SS18: variants seen among roughly 807,000 people sequenced by gnomAD.
The protein encoded by SS18 is SS18 subunit of BAF chromatin remodeling complex.
SS18 carries 28 observed loss-of-function variants against 72.5 expected under a neutral mutation model. The ratio of observed to expected loss-of-function variants is 0.39; its 90% CI spans 0.29 to 0.53. The LOEUF (loss-of-function observed/expected upper bound fraction) is 0.53. Ranked by LOEUF, SS18 falls within the 20% of genes least tolerant of loss-of-function variation. The pLI is 0.76. For missense variants in SS18, 518 were observed against 535.3 expected (o/e 0.97, Z 0.32); for synonymous variants, 172 against 164.2 (o/e 1.05, Z -0.37).
intron 9 of SS18, among the ~76,000 whole-genome samples, chr18:26,033,808 A>C (rs2053584321): frequency 6.6e-6 from 1 of 152,106 alleles, no homozygotes; most frequent in African/African-American, 2.4e-5. Context: ...ATAATACTTC[A>C]ACAAAAATTA....
intron 5 of SS18, among the ~76,000 whole-genome samples, chr18:26,043,877 T>G (rs1401450330): frequency 6.6e-6 from 1 of 152,178 alleles, no homozygotes; most frequent in Non-Finnish European, 1.5e-5. Flanking sequence ...ACATTAGAAC[T>G]TTAGAAAAAA....
chr18:26,073,084 T>C (rs1172020441), intron 3 of SS18, among the ~76,000 whole-genome samples: 1 of 152,024 alleles, frequency 6.6e-6, no homozygotes, highest in Non-Finnish European at 1.5e-5. Flanking sequence ...AAACTGACCA[T>C]ATGCTGGACC....
At chr18:26,022,257 C>T (rs2053365020) in intron 10 of SS18, among the ~76,000 whole-genome samples, 1 of 151,982 alleles carries the variant, frequency 6.6e-6, no homozygotes, top group Non-Finnish European at 1.5e-5. Flanking sequence ...TACTAGGTGA[C>T]AGAGACTCAA....
rs115341836 is a variant in SS18 at position 26,060,410 on chromosome 18, T to C, written c.232-2668A>G. Among the ~76,000 whole-genome samples, 539 of 152,194 alleles carry C rather than the reference T, an allele frequency of 3.5e-3. 4 individuals are homozygous for C. Among genetic ancestry groups the C allele is most frequent in the African/African-American group, 0.012 (501 of 41,536 alleles). ...GATGGGGAGAGGGGGAGAATTGAGA[T>C]TGACTGCCAACAGTTTTCACTTTAT... is the stretch of plus-strand genomic sequence containing the variant. On this transcript the variant is annotated intron_variant, in intron 3 of 10. Transcript: ENST00000415083.
rs747116026 is a variant in SS18 at position 26,087,515 on chromosome 18, G to A, written c.132C>T (p.Thr44=). 2 of 1,586,744 alleles carry A rather than the reference G, an allele frequency of 1.3e-6. No homozygotes were observed. The highest frequency in any genetic ancestry group is 1.7e-6 in the Non-Finnish European group (2 of 1,162,228). The stretch of plus-strand genomic sequence containing the variant: ...ATCAATCTTACTGAGAACACTCTGA[G>A]GTCTTTCCTTTATTCTGAGAGTCCA... ...CIMDSQNKGK[T]SECSQYQQML... Residue 44 remains threonine, a synonymous_variant, in exon 2 of 11, where the codon ACC becomes ACT. Coordinates refer to ENST00000415083, the MANE Select transcript of SS18 (RefSeq NM_001007559.3).
Position 26,041,337 on chromosome 18 carries a change from T to C in SS18, c.608-1881A>G, listed in dbSNP as rs147673590. The stretch of plus-strand genomic sequence containing the variant: ...TATTGGGGAGGCTGAGGCAGGAGAA[T>C]CACTTGAACCCGGGAGGCAGAGGTT... On this transcript the variant is annotated intron_variant, in intron 5 of 10. Transcript: ENST00000415083. Among the ~76,000 whole-genome samples the C allele has an allele frequency of 7.3e-3, 1,114 of 152,198 alleles. 11 individuals are homozygous for C. Among genetic ancestry groups the C allele is most frequent in the African/African-American group, 0.025 (1,053 of 41,498 alleles).
intron 10 of SS18, among the ~76,000 whole-genome samples, chr18:26,027,847 A>G (rs528072767): frequency 6.6e-6 from 1 of 152,164 alleles, no homozygotes; most frequent in African/African-American, 2.4e-5. Context: ...CTAAAATTAT[A>G]TAACTTCTAG....
At chr18:26,021,896 G>A (rs1256592287) in intron 10 of SS18, among the ~76,000 whole-genome samples, 1 of 152,206 alleles carries the variant, frequency 6.6e-6, no homozygotes, top group African/African-American at 2.4e-5. Context: ...GAGCTGTCGA[G>A]TAGGCATCTA....
At chr18:26,081,547 T>G (rs1400615247) in intron 2 of SS18, among the ~76,000 whole-genome samples, 1 of 152,120 alleles carries the variant, frequency 6.6e-6, no homozygotes, top group African/African-American at 2.4e-5. Context: ...AACAAAAAAG[T>G]AGTAAATACT....
At chr18:26,087,378 T>C in intron 2 of SS18, 123 bp downstream of exon 2, 3 of 637,470 alleles carry the variant, frequency 4.7e-6, no homozygotes, top group Non-Finnish European at 5.6e-6. Context: ...CATTGAATTG[T>C]ACACATTAAA....
intron 2 of SS18, among the ~76,000 whole-genome samples, chr18:26,082,051 T>C (rs1341667005): frequency 1.3e-5 from 2 of 152,046 alleles, no homozygotes; most frequent in Non-Finnish European, 2.9e-5. Flanking sequence ...AGAGTGAGAT[T>C]ATGTCTTGAA....
rs1207781019 is a variant in SS18, at chr18:26,017,194, A to C, written c.*1160T>G. The C allele has an allele frequency of 4.9e-6, 1 of 204,822 alleles. No individual in the cohort carries two copies. The highest frequency in any genetic ancestry group is 2.3e-5 in the African/African-American group (1 of 43,860). The allele number at this position is 204,822 out of a possible 1,614,324, so 12.7% of individuals were successfully genotyped here. On this transcript the variant is annotated 3_prime_UTR_variant, in exon 11 of 11. Transcript: ENST00000415083. ...TGCAACCTCGGTGCTTTAAAAACAG[A>C]TAGAATAAACCTCATCAATAAGCAT...
At chr18:26,019,680 G>A (rs142020783) in intron 10 of SS18, among the ~76,000 whole-genome samples, 2,306 of 150,672 alleles carry the variant, frequency 0.015, 63 homozygotes, top group African/African-American at 0.054. Flanking sequence ...GCGTGGTGGC[G>A]CACATCTGTA....
intron 3 of SS18, among the ~76,000 whole-genome samples, chr18:26,066,318 C>T (rs1476222064): frequency 6.6e-6 from 1 of 152,062 alleles, no homozygotes; most frequent in Non-Finnish European, 1.5e-5. Flanking sequence ...AGAATTAAAT[C>T]AGGAGGCAGT....
At chr18:26,019,701 C>T (rs2053311467) in intron 10 of SS18, among the ~76,000 whole-genome samples, 1 of 143,070 alleles carries the variant, frequency 7.0e-6, no homozygotes, top group Non-Finnish European at 1.5e-5. Flanking sequence ...ATCCCAGCTA[C>T]TTGGGAGGCT....
chr18:26,073,928 A>G, intron 3 of SS18, among the ~76,000 whole-genome samples: 1 of 152,194 alleles, frequency 6.6e-6, no homozygotes, highest in South Asian at 2.1e-4. Context: ...ACATTTTCTC[A>G]AAAACAAACA....
At chr18:26,025,140 C>T (rs2053423753) in intron 10 of SS18, among the ~76,000 whole-genome samples, 2 of 152,008 alleles carry the variant, frequency 1.3e-5, no homozygotes, top group African/African-American at 4.8e-5. Context: ...TGAAATTGCA[C>T]ACTTCTGATG....
chr18:26,044,889 TC>T (rs996450039), intron 5 of SS18, among the ~76,000 whole-genome samples: 2 of 151,954 alleles, frequency 1.3e-5, no homozygotes, highest in African/African-American at 4.8e-5. Flanking sequence ...TAAGGGAAAC[TC>T]CCCTGGTCAG....
intron 7 of SS18, 78 bp from the exon 8 acceptor site, chr18:26,036,001 G>C (rs2053620521): frequency 1.0e-5 from 9 of 863,254 alleles, no homozygotes; most frequent in African/African-American, 1.8e-5. Context: ...TAAACTTTCA[G>C]ATAAAATTGA....
Sources: allele counts gnomAD v4.1 joint callset (sites outside exome capture counted in the v4.1 genomes callset), GRCh38; gene constraint gnomAD v4.1.1; transcripts MANE v1.5; gene names NCBI Gene and HGNC (gene_info 2026-07-23, HGNC 2026-07-21).